The following DCDC1 variants were observed in gnomAD, a reference collection of about 807,000 sequenced individuals.
The protein encoded by DCDC1 is doublecortin domain-containing protein 1.
In DCDC1, 200 loss-of-function variants were observed where a neutral mutation model predicts 178.3. That is an observed-to-expected ratio of 1.12 (90% CI 1.00 to 1.26). The LOEUF is 1.26. DCDC1 is among the 50% of genes most tolerant of loss of function. The probability of loss-of-function intolerance (pLI) is 0.00; values close to 1 mark genes in which losing one functional copy is unlikely to be tolerated. For synonymous variants in DCDC1, 690 were observed against 604.8 expected (o/e 1.14, Z -2.07); for missense variants, 1,983 against 1,749.2 (o/e 1.13, Z -2.38).
intron 20 of DCDC1, among the ~76,000 whole-genome samples, chr11:31,048,644 G>A (rs1369025673): frequency 2.0e-5 from 3 of 152,084 alleles, no homozygotes; most frequent in African/African-American, 4.8e-5. Flanking sequence ...ACGAGGTCAG[G>A]AGATCGAGAC....
chr11:31,215,790 T>TC (rs1565449058), intron 9 of DCDC1, among the ~76,000 whole-genome samples: 1 of 130,960 alleles, frequency 7.6e-6, no homozygotes, highest in African/African-American at 2.8e-5. Context: ...AGACTCCATC[T>TC]AAAAAAAAAA....
rs141441382 is a variant in DCDC1, at chr11:31,273,073, C to T, written c.961-7473G>A. Among the ~76,000 whole-genome samples, 477 of 152,258 alleles carry T rather than the reference C, an allele frequency of 3.1e-3. 1 individual carries two copies. The highest frequency in any genetic ancestry group is 3.9e-3 in the Non-Finnish European group (268 of 68,016). Reference sequence around the variant, plus strand: ...AGTATGGGACCCTGGGCCCGGCCCACGAACCATTTTTTCCTCCTAGGCCTC... The same window carrying T: ...AGTATGGGACCCTGGGCCCGGCCCATGAACCATTTTTTCCTCCTAGGCCTC... On this transcript the variant is annotated intron_variant, in intron 7 of 38. Transcript: ENST00000684477.
rs564265232 is a variant in DCDC1 at position 31,208,975 on chromosome 11, A to C, written c.1221+32475T>G. Among the ~76,000 whole-genome samples the C allele has an allele frequency of 9.2e-5, 14 of 152,246 alleles. No individual in the cohort carries two copies. The South Asian group carries it at 2.9e-3, about 32-fold the overall frequency. On this transcript the variant is annotated intron_variant, in intron 9 of 38. Transcript: ENST00000684477. ...TGTTTTATTTTCTGCCCTACCCCTC[A>C]GCAAGCTCTTTAAGGCAATAACTCA...
intron 22 of DCDC1, among the ~76,000 whole-genome samples, chr11:30,930,801 C>T (rs1160596470): frequency 1.3e-5 from 2 of 152,126 alleles, no homozygotes; most frequent in African/African-American, 4.8e-5. Flanking sequence ...TCATACACTA[C>T]TTTAAGGACA....
At chr11:31,305,106 G>C (rs941826694) in intron 6 of DCDC1, among the ~76,000 whole-genome samples, 5 of 152,092 alleles carry the variant, frequency 3.3e-5, no homozygotes, top group South Asian at 4.2e-4. Context: ...AATCAAGCTG[G>C]AACATTTCTT....
intron 3 of DCDC1, 82 bp from the exon 4 acceptor site, chr11:31,307,990 G>A: frequency 1.3e-6 from 2 of 1,544,496 alleles, no homozygotes; most frequent in African/African-American, 1.4e-5. Context: ...AACGAGTTGT[G>A]TGCTATGTGC....
chr11:31,252,078 G>C (rs1231946372), intron 8 of DCDC1, among the ~76,000 whole-genome samples: 1 of 152,194 alleles, frequency 6.6e-6, no homozygotes, highest in Non-Finnish European at 1.5e-5. Context: ...TTGTGTCTAA[G>C]TTAGAGATAA....
intron 3 of DCDC1, among the ~76,000 whole-genome samples, chr11:31,311,142 G>A (rs181173226): frequency 1.2e-4 from 19 of 152,126 alleles, no homozygotes; most frequent in East Asian, 3.9e-4. Flanking sequence ...TATGACTTAC[G>A]TTCAAATTCC....
Position 30,903,677 on chromosome 11 carries a change from T to C in DCDC1, c.4315A>G (p.Thr1439Ala). ...IVAGTFPMLLTECTEQLGLAR... is the reference protein window; with the variant it reads ...IVAGTFPMLLAECTEQLGLAR... ...AGCCCAAGTTGTTCCGTGCATTCTG[T>C]AAGAAGCTAGATAACACAGGCAGTA... is the stretch of plus-strand genomic sequence containing the variant. The change falls in exon 32 of 39, where the codon ACA (threonine) becomes GCA (alanine). Residue 1439 changes from threonine to alanine, a missense_variant. Coordinates refer to ENST00000684477, the MANE Select transcript of DCDC1 (RefSeq NM_001387274.1). 1.3e-6 allele frequency: 2 copies of C among 1,597,802 alleles called. No individual in the cohort carries two copies. The highest frequency in any genetic ancestry group is 1.7e-6 in the Non-Finnish European group (2 of 1,171,114).
At chr11:30,907,062 A>G (rs1214222987) in intron 29 of DCDC1, among the ~76,000 whole-genome samples, 1 of 152,204 alleles carries the variant, frequency 6.6e-6, no homozygotes, top group Admixed American at 6.5e-5. Context: ...AGCCATCATC[A>G]TGTCCAAAAG....
chr11:31,341,457 C>T (rs1022867842), intron 1 of DCDC1, among the ~76,000 whole-genome samples: 15 of 146,464 alleles, frequency 1.0e-4, no homozygotes, highest in Admixed American at 2.1e-4. Context: ...TGCTTAACAA[C>T]GGGGATACGT....
chr11:30,958,522 G>C (rs551953824), intron 20 of DCDC1, among the ~76,000 whole-genome samples: 1 of 152,218 alleles, frequency 6.6e-6, no homozygotes, highest in African/African-American at 2.4e-5. Flanking sequence ...GAGAATGAAA[G>C]AATGGCCCTG....
intron 20 of DCDC1, among the ~76,000 whole-genome samples, chr11:31,029,662 T>G (rs1953488613): frequency 6.6e-6 from 1 of 152,172 alleles, no homozygotes; most frequent in African/African-American, 2.4e-5. Flanking sequence ...AATACTGTTC[T>G]GTATTCACAT....
chr11:31,305,957 T>C (rs1232399358), intron 5 of DCDC1, among the ~76,000 whole-genome samples, 180 bp from the exon 6 acceptor site: 1 of 152,174 alleles, frequency 6.6e-6, no homozygotes, highest in Non-Finnish European at 1.5e-5. Flanking sequence ...GAAGCATATC[T>C]AATTATTGAC....
intron 14 of DCDC1, among the ~76,000 whole-genome samples, chr11:31,103,028 C>A (rs555473191): frequency 9.2e-5 from 14 of 152,148 alleles, no homozygotes; most frequent in Non-Finnish European, 1.9e-4. Flanking sequence ...ATAGGAGTAA[C>A]GTAATTGTTG....
chr11:31,020,822 G>A (rs1023788834), intron 20 of DCDC1, among the ~76,000 whole-genome samples: 1 of 151,970 alleles, frequency 6.6e-6, no homozygotes, highest in Non-Finnish European at 1.5e-5. Flanking sequence ...TTCACTATAA[G>A]TAAACTCGAA....
At chr11:30,870,509 C>T (rs976240846) in intron 38 of DCDC1, among the ~76,000 whole-genome samples, 3 of 152,136 alleles carry the variant, frequency 2.0e-5, no homozygotes, top group African/African-American at 7.2e-5. Flanking sequence ...AATAAAAATT[C>T]ACAATGGGAT....
chr11:31,268,147 C>A (rs578159376), intron 7 of DCDC1, among the ~76,000 whole-genome samples: 1 of 152,064 alleles, frequency 6.6e-6, no homozygotes, highest in Non-Finnish European at 1.5e-5. Context: ...GAAGTTATTA[C>A]TGTATTTAAA....
At chr11:30,918,748 G>A (rs576933409) in intron 25 of DCDC1, among the ~76,000 whole-genome samples, 1 of 152,276 alleles carries the variant, frequency 6.6e-6, no homozygotes, top group South Asian at 2.1e-4. Flanking sequence ...GTGAGGGGAT[G>A]GTAGTTCTAG....
Sources: gnomAD v4.1 joint callset for allele counts (sites outside exome capture counted in the v4.1 genomes callset) on GRCh38, gnomAD v4.1.1 for gene constraint, MANE v1.5 for transcripts, NCBI Gene and HGNC (gene_info 2026-07-23, HGNC 2026-07-21) for gene names.